TCF7L1: variants seen among roughly 807,000 people sequenced by gnomAD.
The protein encoded by TCF7L1 is transcription factor 7-like 1.
In TCF7L1, 18 loss-of-function variants were observed where a neutral mutation model predicts 63.7. That is an observed-to-expected ratio of 0.28 (90% CI 0.20 to 0.42). The LOEUF is 0.42. Among genes scored for constraint, TCF7L1 ranks in the 10% least tolerant of loss-of-function variants. TCF7L1 has a pLI of 1.00. For missense variants in TCF7L1, 654 were observed against 779.3 expected, an observed-to-expected ratio of 0.84 and a Z score of 1.91; for synonymous variants, 355 against 340.9, an observed-to-expected ratio of 1.04 and a Z score of -0.46.
chr2:85,160,808 G>A (rs943707843), intron 3 of TCF7L1, among the ~76,000 whole-genome samples: 2 of 152,090 alleles, frequency 1.3e-5, no homozygotes, highest in Non-Finnish European at 1.5e-5. Flanking sequence ...GCCTAGATGC[G>A]CCACTGCACT....
At chr2:85,302,796 C>A (rs2104387615) in intron 5 of TCF7L1, among the ~76,000 whole-genome samples, 180 bp downstream of exon 5, 1 of 152,170 alleles carries the variant, frequency 6.6e-6, no homozygotes, top group East Asian at 1.9e-4. Flanking sequence ...CTGTGCCTCC[C>A]CTGTACCTTC....
chr2:85,251,129 G>T (rs1448306345), intron 3 of TCF7L1, among the ~76,000 whole-genome samples: 1 of 152,180 alleles, frequency 6.6e-6, no homozygotes, highest in Admixed American at 6.5e-5. Context: ...TTTGTATTTA[G>T]GAGGTTTGTG....
Position 85,306,683 on chromosome 2 carries a change from C to A in TCF7L1, c.1257+124C>A. The stretch of plus-strand genomic sequence containing the variant: ...TTTTATTTTCTTTTATTTTTTGAGA[C>A]AGAGGCTCACCCTGTCACCCAGGCT... On this transcript the variant is annotated intron_variant, in intron 10 of 11. Transcript: ENST00000282111. This position sits in a 1 kb window ranked among gnomAD's most constrained non-coding sequence, Gnocchi z 4.3. 1.2e-6 allele frequency: 1 copy of A among 821,440 alleles called. No individual in the cohort carries two copies. Among genetic ancestry groups the A allele is most frequent in the Non-Finnish European group, 1.9e-6 (1 of 540,440 alleles). The allele number at this position is 821,440 out of a possible 1,614,324, so 50.9% of individuals were successfully genotyped here. A position where few individuals can be genotyped will look rare whatever the true frequency, so the allele number is the denominator to read the frequency against.
At chr2:85,223,851 C>T (rs1485152371) in intron 3 of TCF7L1, among the ~76,000 whole-genome samples, 1 of 152,112 alleles carries the variant, frequency 6.6e-6, no homozygotes, top group Admixed American at 6.5e-5. Context: ...AGGTTTGTTA[C>T]ATAGGTATAC....
chr2:85,136,978 G>T lies in TCF7L1; in HGVS notation c.441+2528G>T, dbSNP rs140380522. 5.6e-3 allele frequency among the ~76,000 whole-genome samples: 847 copies of T among 152,248 alleles called. 1 individual carries two copies. The highest frequency in any genetic ancestry group is 7.9e-3 in the South Asian group (38 of 4,812). On this transcript the variant is annotated intron_variant, in intron 3 of 11. Transcript: ENST00000282111. ...ATGAATGTGGATAGATACGAGTGGG[G>T]AGGGAGGAGGGAGGAAAGTGCCTGG...
intron 3 of TCF7L1, among the ~76,000 whole-genome samples, chr2:85,167,755 T>A (rs2104230696): frequency 6.6e-6 from 1 of 152,260 alleles, no homozygotes; most frequent in South Asian, 2.1e-4. Flanking sequence ...TTTCGGCTAC[T>A]CGGGAGACTG....
At chr2:85,275,938 T>A (rs12465484) in intron 3 of TCF7L1, among the ~76,000 whole-genome samples, 7,391 of 94,660 alleles carry the variant, frequency 0.078, 473 homozygotes, top group African/African-American at 0.17. Context: ...AAAAAAAAAA[T>A]ACCTCAAGAA....
chr2:85,172,250 T>G (rs911672048), intron 3 of TCF7L1, among the ~76,000 whole-genome samples: 2 of 152,058 alleles, frequency 1.3e-5, no homozygotes, highest in Non-Finnish European at 2.9e-5. Context: ...TGGTCGGCCC[T>G]CCTCTCCCTT....
At chr2:85,252,984 T>G (rs17763748) in intron 3 of TCF7L1, among the ~76,000 whole-genome samples, 43,989 of 152,110 alleles carry the variant, frequency 0.29, 6,795 homozygotes, top group Non-Finnish European at 0.35. Context: ...GGCCTAAAAT[T>G]AGACCTTCGC....
intron 3 of TCF7L1, among the ~76,000 whole-genome samples, chr2:85,245,602 G>C (rs1274278057): frequency 6.6e-6 from 1 of 152,050 alleles, no homozygotes; most frequent in African/African-American, 2.4e-5. Context: ...CACGAGGTCA[G>C]GAGATCGAGA....
chr2:85,285,101 CGG>C (rs1356073211), intron 4 of TCF7L1, among the ~76,000 whole-genome samples: 1 of 152,022 alleles, frequency 6.6e-6, no homozygotes, highest in Non-Finnish European at 1.5e-5. Flanking sequence ...GGCGTGGTGG[CGG>C]GCGCCTGTAG....
At chr2:85,183,548 G>C (rs533280423) in intron 3 of TCF7L1, among the ~76,000 whole-genome samples, 1 of 152,266 alleles carries the variant, frequency 6.6e-6, no homozygotes, top group Non-Finnish European at 1.5e-5. Flanking sequence ...CTGCTGGCTT[G>C]AATAAGGCAG....
intron 3 of TCF7L1, among the ~76,000 whole-genome samples, chr2:85,229,438 T>C (rs1186279758): frequency 1.3e-5 from 2 of 152,148 alleles, no homozygotes; most frequent in East Asian, 3.8e-4. Flanking sequence ...CCAATTCTGC[T>C]AAAGAGATGG....
At chr2:85,308,658 G>A (rs917366414) in intron 11 of TCF7L1, among the ~76,000 whole-genome samples, 2 of 151,796 alleles carry the variant, frequency 1.3e-5, no homozygotes, top group Non-Finnish European at 1.5e-5. Flanking sequence ...CCGCTGTCTG[G>A]CACGCTGTTC....
intron 3 of TCF7L1, among the ~76,000 whole-genome samples, chr2:85,280,986 G>A (rs1464696022): frequency 1.3e-5 from 2 of 151,976 alleles, no homozygotes; most frequent in South Asian, 2.1e-4. Flanking sequence ...TGAAGTTGGG[G>A]AAGCGTTTAG....
At chr2:85,182,736 C>T (rs984752451) in intron 3 of TCF7L1, among the ~76,000 whole-genome samples, 1 of 152,246 alleles carries the variant, frequency 6.6e-6, no homozygotes, top group African/African-American at 2.4e-5. Context: ...CTCTCCCCAT[C>T]ACGGTCCAAT....
At chr2:85,188,092 A>C (rs990450622) in intron 3 of TCF7L1, among the ~76,000 whole-genome samples, 14 of 152,318 alleles carry the variant, frequency 9.2e-5, no homozygotes, top group African/African-American at 3.4e-4. Flanking sequence ...AATTATAGCG[A>C]GGGGGAACAG....
intron 3 of TCF7L1, among the ~76,000 whole-genome samples, chr2:85,273,878 G>A (rs1681212051): frequency 6.6e-6 from 1 of 152,162 alleles, no homozygotes; most frequent in African/African-American, 2.4e-5. Context: ...GTGGGTATGG[G>A]CAGGCCAGAG....
chr2:85,288,538 A>G (rs1681614971), intron 4 of TCF7L1, among the ~76,000 whole-genome samples: 1 of 152,142 alleles, frequency 6.6e-6, no homozygotes. Flanking sequence ...AGTCAGGAGT[A>G]AAATATTTAA....
Sources: allele counts gnomAD v4.1 joint callset (sites outside exome capture counted in the v4.1 genomes callset), GRCh38; gene constraint gnomAD v4.1.1; non-coding constraint Gnocchi (gnomAD v3.1); transcripts MANE v1.5; gene names NCBI Gene and HGNC (gene_info 2026-07-23, HGNC 2026-07-21).